Variants in TMEM232 observed in about 807,000 individuals in gnomAD.
TMEM232 encodes the protein transmembrane protein 232.
Under a neutral mutation model 78.8 loss-of-function variants are expected in TMEM232, and 80 were observed. The observed-to-expected ratio is 1.01, with a 90% CI of 0.85 to 1.22. TMEM232 has a LOEUF of 1.22. Among genes scored for constraint, TMEM232 ranks in the 50% most tolerant of loss-of-function variants. TMEM232 has a pLI of 0.00. For synonymous variants in TMEM232, 297 were observed against 254.3 expected, an observed-to-expected ratio of 1.17 and a Z score of -1.60; for missense variants, 881 against 742.2, an observed-to-expected ratio of 1.19 and a Z score of -2.17.
chr5:110,507,984 G>A (rs1767141499), intron 12 of TMEM232, among the ~76,000 whole-genome samples: 1 of 152,134 alleles, frequency 6.6e-6, no homozygotes, highest in Non-Finnish European at 1.5e-5. Flanking sequence ...GCTAATAGGT[G>A]GTTGACTTGT....
intron 2 of TMEM232, among the ~76,000 whole-genome samples, chr5:110,655,636 G>A (rs2150078075): frequency 6.7e-6 from 1 of 149,622 alleles, no homozygotes. Flanking sequence ...ATTCACAATA[G>A]CAAAGACTTG....
Position 110,568,629 on chromosome 5 carries a change from T to C in TMEM232, c.1277-4A>G. 1 of 1,524,500 alleles carries C rather than the reference T, an allele frequency of 6.6e-7. No individual in the cohort carries two copies. Among genetic ancestry groups the C allele is most frequent in the Non-Finnish European group, 8.8e-7 (1 of 1,139,622 alleles). The allele number at this position is 1,524,500 out of a possible 1,614,324, so 94.4% of individuals were successfully genotyped here. On this transcript the variant is annotated splice_polypyrimidine_tract_variant and splice_region_variant and intron_variant, in intron 10 of 13. Transcript: ENST00000455884. Reference sequence around the variant, plus strand: ...CCAGTCCAGACTACTTGATCACCTGTTTAAAAAGAAAAAGTCTTTGGGAAT... The same window carrying C: ...CCAGTCCAGACTACTTGATCACCTGCTTAAAAAGAAAAAGTCTTTGGGAAT...
chr5:110,698,505 T>G (rs955903656), intron 1 of TMEM232, among the ~76,000 whole-genome samples: 1 of 152,058 alleles, frequency 6.6e-6, no homozygotes, highest in Admixed American at 6.6e-5. Flanking sequence ...ACAGATGGCA[T>G]AGTCGGCAGA....
Position 110,388,298 on chromosome 5 carries a change from G to A in TMEM232, n.616-245C>T, listed in dbSNP as rs1755056426. On this transcript the variant is annotated intron_variant and non_coding_transcript_variant, in intron 4 of 8. Coordinates refer to the TMEM232 transcript ENST00000507188. ...CTTTCCACTTGGCCAGCACCATCTT[G>A]TCTGTGCCTTACTGTGCACGCGGCT... 4.6e-5 allele frequency among the ~76,000 whole-genome samples: 7 copies of A among 152,182 alleles called. No homozygotes were observed. The South Asian group carries it at 1.2e-3, about 27-fold the overall frequency.
chr5:110,723,725 C>T (rs1797883379), intron 1 of TMEM232, among the ~76,000 whole-genome samples: 1 of 152,166 alleles, frequency 6.6e-6, no homozygotes, highest in South Asian at 2.1e-4. Context: ...TTGTTTGGAG[C>T]AGCAAAGTCT....
At chr5:110,505,923 G>A (rs540924161) in intron 12 of TMEM232, among the ~76,000 whole-genome samples, 1 of 152,274 alleles carries the variant, frequency 6.6e-6, no homozygotes, top group Admixed American at 6.5e-5. Flanking sequence ...GTCAAGGGGA[G>A]GAGAAGGAAG....
intron 10 of TMEM232, among the ~76,000 whole-genome samples, chr5:110,570,768 C>T (rs1028277896): frequency 3.9e-5 from 6 of 151,972 alleles, no homozygotes; most frequent in African/African-American, 1.4e-4. Context: ...CTTTCTAAAT[C>T]TCATTATGTT....
chr5:110,438,039 G>C (rs1370376927), intron 12 of TMEM232, among the ~76,000 whole-genome samples: 1 of 152,074 alleles, frequency 6.6e-6, no homozygotes. Flanking sequence ...TGAAGCTACT[G>C]TGTGGCCCCA....
chr5:110,463,437 T>C (rs1761747267), intron 12 of TMEM232, among the ~76,000 whole-genome samples: 1 of 152,242 alleles, frequency 6.6e-6, no homozygotes, highest in African/African-American at 2.4e-5. Flanking sequence ...TAACTCACTT[T>C]ATTGTGATAT....
chr5:110,714,619 C>G (rs1796842621), intron 1 of TMEM232, among the ~76,000 whole-genome samples: 1 of 152,120 alleles, frequency 6.6e-6, no homozygotes, highest in Admixed American at 6.6e-5. Context: ...GAAATACACA[C>G]ACACACACAA....
chr5:110,585,078 A>T (rs1778652184), intron 10 of TMEM232, among the ~76,000 whole-genome samples: 1 of 152,110 alleles, frequency 6.6e-6, no homozygotes, highest in Non-Finnish European at 1.5e-5. Flanking sequence ...TTCTTCAAAT[A>T]TGTAAGGACG....
At chr5:110,578,752 C>G (rs1238043978) in intron 10 of TMEM232, among the ~76,000 whole-genome samples, 2 of 151,618 alleles carry the variant, frequency 1.3e-5, no homozygotes, top group Admixed American at 1.3e-4. Context: ...ACTGGACTCT[C>G]TTTTCTATCG....
At chr5:110,585,367 G>T (rs1446656886) in intron 10 of TMEM232, among the ~76,000 whole-genome samples, 1 of 152,098 alleles carries the variant, frequency 6.6e-6, no homozygotes, top group African/African-American at 2.4e-5. Flanking sequence ...GGGGCTTTGT[G>T]AAGATGATGA....
At chr5:110,407,499 C>T (rs10078078) in intron 2 of TMEM232, among the ~76,000 whole-genome samples, 5,481 of 152,090 alleles carry the variant, frequency 0.036, 351 homozygotes, top group African/African-American at 0.13. Flanking sequence ...AATATTTATG[C>T]ACTCAACACC....
At chr5:110,479,023 C>T (rs183419512) in intron 12 of TMEM232, among the ~76,000 whole-genome samples, 23 of 148,000 alleles carry the variant, frequency 1.6e-4, no homozygotes, top group East Asian at 1.4e-3. Context: ...GTCTACATTA[C>T]TGTGGTAGAA....
chr5:110,561,424 A>T (rs1156603082), intron 11 of TMEM232, among the ~76,000 whole-genome samples: 2 of 152,012 alleles, frequency 1.3e-5, no homozygotes, highest in Non-Finnish European at 2.9e-5. Flanking sequence ...TATATATAAA[A>T]TACGGTTTTA....
rs895081641 is a variant in TMEM232, at chr5:110,627,846, A to C, written c.536T>G (p.Phe179Cys). Reference protein sequence around the residue: ...GYLVFLRLFIFFLHGHLESFK... With the variant: ...GYLVFLRLFICFLHGHLESFK... ...ACTTTCTAGATGACCATGCAGGAAA[A>C]ATATAAAAAGTCGTAAGAAGACCAA... The change falls in exon 6 of 14, where the codon TTT becomes TGT. Residue 179 changes from phenylalanine to cysteine, a missense_variant. Physicochemically the swap from Phe to Cys is radical, Grantham distance 205. Transcript: ENST00000455884. 4.6e-6 allele frequency: 7 copies of C among 1,538,404 alleles called. No homozygotes were observed. The highest frequency in any genetic ancestry group is 1.4e-5 in the African/African-American group (1 of 72,060).
chr5:110,473,671 T>G (rs923908104), intron 12 of TMEM232, among the ~76,000 whole-genome samples: 1 of 151,144 alleles, frequency 6.6e-6, no homozygotes, highest in African/African-American at 2.4e-5. Flanking sequence ...TTATGTCAAA[T>G]AGATATCTGC....
At chr5:110,513,106 A>C (rs1477400830) in intron 12 of TMEM232, among the ~76,000 whole-genome samples, 1 of 152,194 alleles carries the variant, frequency 6.6e-6, no homozygotes, top group Non-Finnish European at 1.5e-5. Flanking sequence ...GAAAGACAGG[A>C]AAGGAGGGAA....
Sources: allele counts gnomAD v4.1 joint callset (sites outside exome capture counted in the v4.1 genomes callset), GRCh38; gene constraint gnomAD v4.1.1; transcripts MANE v1.5; gene names NCBI Gene and HGNC (gene_info 2026-07-23, HGNC 2026-07-21).